IFNA14: variants seen among roughly 807,000 people sequenced by gnomAD.
The protein encoded by IFNA14 is interferon alpha 14.
For missense variants in IFNA14, 337 were observed against 214.9 expected (o/e 1.57, Z -3.55); for synonymous variants, 113 against 76.8 (o/e 1.47, Z -2.46).
In IFNA14 at chr9:21,239,807, T is replaced by C. The variant is rs767546374; in HGVS notation, c.129A>G (p.Gln43=). Residue 43 remains glutamine, a synonymous_variant, in exon 1 of 1, where the codon CAA becomes CAG. Transcript: ENST00000380222. ...NNRRTLMLMA[Q]MRRISPFSCL... is the part of the protein sequence containing the mutation. ...AGGAGAAAGGAGAGATTCTCCTCAT[T>C]TGTGCCATGAGCATCAAAGTCCTCC... The C allele has an allele frequency of 1.9e-6, 3 of 1,614,106 alleles. No individual in the cohort carries two copies. The highest frequency in any genetic ancestry group is 2.5e-6 in the Non-Finnish European group (3 of 1,179,996).
chr9:21,239,185 T>C lies in IFNA14; in HGVS notation c.*181A>G, dbSNP rs1563825000. 1.3e-6 allele frequency: 1 copy of C among 765,938 alleles called. No homozygotes were observed. The highest frequency in any genetic ancestry group is 1.8e-5 in the African/African-American group (1 of 55,082). 47.4% of individuals were successfully genotyped at this position (765,938 alleles called of 1,614,324 possible). On this transcript the variant is annotated 3_prime_UTR_variant, in exon 1 of 1. Coordinates refer to ENST00000380222, the MANE Select transcript of IFNA14 (RefSeq NM_002172.3). The stretch of plus-strand genomic sequence containing the variant: ...GAAAGGAGACATCAGCATGGTCATC[T>C]GTAAAGGACTAGTGCCTGCACAGGT...
chr9:21,239,734 C>T lies in IFNA14; in HGVS notation c.202G>A (p.Gly68Ser), dbSNP rs1472731406. 2 of 1,614,098 alleles carry T rather than the reference C, an allele frequency of 1.2e-6. No homozygotes were observed. Among genetic ancestry groups the T allele is most frequent in the Admixed American group, 1.7e-5 (1 of 60,012 alleles). The change falls in exon 1 of 1, where the codon GGC becomes AGC. Residue 68 changes from glycine (G) to serine (S), a missense_variant. Coordinates refer to ENST00000380222, the MANE Select transcript of IFNA14 (RefSeq NM_002172.3). ...DFEFPQEEFD[G>S]NQFQKAQAIS... Reference sequence around the variant, plus strand: ...GCTTGAGCTTTCTGGAACTGGTTGCCATCAAATTCCTCCTGGGGAAATTCA... The same window carrying T: ...GCTTGAGCTTTCTGGAACTGGTTGCTATCAAATTCCTCCTGGGGAAATTCA...
In IFNA14 at chr9:21,239,641, C is replaced by G. The variant is rs374982269; in HGVS notation, c.295G>C (p.Ala99Pro). Residue 99 changes from alanine to proline, a missense_variant, in exon 1 of 1, where the codon GCT (alanine) becomes CCT (proline). By Grantham distance (27) the Ala-to-Pro change is conservative. Transcript: ENST00000380222. ...TTTTCTAGGAGGGTCTCATCCCAAG[C>G]AGCAGATGAGTTCTTTGTGCTGAAG... is the stretch of plus-strand genomic sequence containing the variant. ...NLFSTKNSSA[A>P]WDETLLEKFY... 1.5e-5 allele frequency: 24 copies of G among 1,613,840 alleles called. No homozygotes were observed. The highest frequency in any genetic ancestry group is 1.1e-4 in the East Asian group (5 of 44,884).
Position 21,239,635 on chromosome 9 carries a change from C to A in IFNA14, c.301G>T (p.Asp101Tyr), listed in dbSNP as rs1247012114. 3.1e-6 allele frequency: 5 copies of A among 1,613,942 alleles called. No individual in the cohort carries two copies. The highest frequency in any genetic ancestry group is 4.2e-6 in the Non-Finnish European group (5 of 1,179,922). Residue 101 changes from aspartate to tyrosine, a missense_variant, in exon 1 of 1, where the codon GAT (aspartate) becomes TAT (tyrosine). Physicochemically the swap from Asp to Tyr is radical, Grantham distance 160. Coordinates refer to ENST00000380222, the MANE Select transcript of IFNA14 (RefSeq NM_002172.3). ...FSTKNSSAAW[D>Y]ETLLEKFYIE... The stretch of plus-strand genomic sequence containing the variant: ...TAGAATTTTTCTAGGAGGGTCTCAT[C>A]CCAAGCAGCAGATGAGTTCTTTGTG...
rs1396715888 is a variant in IFNA14, at chr9:21,239,234, C to G, written c.*132G>C. The G allele has an allele frequency of 1.3e-6, 2 of 1,502,030 alleles. No individual in the cohort carries two copies. Among genetic ancestry groups the G allele is most frequent in the Non-Finnish European group, 1.8e-6 (2 of 1,114,728 alleles). The allele number at this position is 1,502,030 out of a possible 1,614,324, so 93.0% of individuals were successfully genotyped here. On this transcript the variant is annotated 3_prime_UTR_variant, in exon 1 of 1. Coordinates refer to ENST00000380222, the MANE Select transcript of IFNA14 (RefSeq NM_002172.3). ...GTATACATGATGCTTCTTTACACTC[C>G]TGAAAACATTTGAAAATTTTGATTC...
In IFNA14 at chr9:21,239,248, A is replaced by C; in HGVS notation, c.*118T>G. On this transcript the variant is annotated 3_prime_UTR_variant, in exon 1 of 1. Coordinates refer to ENST00000380222, the MANE Select transcript of IFNA14 (RefSeq NM_002172.3). The stretch of plus-strand genomic sequence containing the variant: ...TCTTTACACTCCTGAAAACATTTGA[A>C]AATTTTGATTCAACTTGTGGTGGTT... 1 of 1,547,554 alleles carries C rather than the reference A, an allele frequency of 6.5e-7. No homozygotes were observed. Among genetic ancestry groups the C allele is most frequent in the Non-Finnish European group, 8.7e-7 (1 of 1,149,318 alleles).
chr9:21,239,825 A>G lies in IFNA14; in HGVS notation c.111T>C (p.Thr37=), dbSNP rs562508181. 1.9e-6 allele frequency: 3 copies of G among 1,614,128 alleles called. No individual in the cohort carries two copies. The South Asian group carries it at 3.3e-5, about 18-fold the overall frequency. ...SQTHSLNNRR[T]LMLMAQMRRI... ...TCCTCATTTGTGCCATGAGCATCAA[A>G]GTCCTCCTGTTATTCAGGCTGTGGG... The change falls in exon 1 of 1, where the codon ACT becomes ACC. Residue 37 remains threonine, a synonymous_variant. Coordinates refer to ENST00000380222, the MANE Select transcript of IFNA14 (RefSeq NM_002172.3).
rs200267752 is a variant in IFNA14, at chr9:21,239,864, A to G, written c.72T>C (p.Cys24=). Residue 24 remains cysteine (C), a synonymous_variant, in exon 1 of 1, where the codon TGT becomes TGC. Coordinates refer to ENST00000380222, the MANE Select transcript of IFNA14 (RefSeq NM_002172.3). ...TCAGGCTGTGGGTTTGAGACAGATT[A>G]CAGCCCAGAGAGCAGCTTGACTTGC... The part of the protein sequence containing the change: ...LSCKSSCSLG[C]NLSQTHSLNN... 12 of 1,614,122 alleles carry G rather than the reference A, an allele frequency of 7.4e-6. No homozygotes were observed. The East Asian group carries it at 2.0e-4, about 27-fold the overall frequency.
rs778905116 is a variant in IFNA14, at chr9:21,239,547, T to C, written c.389A>G (p.Glu130Gly). 10 of 1,613,958 alleles carry C rather than the reference T, an allele frequency of 6.2e-6. No individual in the cohort carries two copies. Among genetic ancestry groups the C allele is most frequent in the Non-Finnish European group, 8.5e-6 (10 of 1,180,006 alleles). The change falls in exon 1 of 1, where the codon GAA becomes GGA. Residue 130 changes from glutamate (E) to glycine (G), a missense_variant. Coordinates refer to ENST00000380222, the MANE Select transcript of IFNA14 (RefSeq NM_002172.3). Reference protein sequence around the residue: ...EACVIQEVGVEETPLMNEDSI... With the variant: ...EACVIQEVGVGETPLMNEDSI... ...GTCCTCATTCATCAGGGGAGTCTCTTCCACCCCAACCTCCTGTATCACACA... is the reference window on the plus strand; with the variant it reads ...GTCCTCATTCATCAGGGGAGTCTCTCCCACCCCAACCTCCTGTATCACACA...
In IFNA14 at chr9:21,239,429, T is replaced by C; in HGVS notation, c.507A>G (p.Ala169=). The change falls in exon 1 of 1, where the codon GCA becomes GCG. Residue 169 remains alanine (A), a synonymous_variant. Transcript: ENST00000380222. ...YSPCAWEVVR[A]EIMRSLSFST... ...AAAAAGAGAGGGATCTCATGATTTC[T>C]GCTCTGACAACCTCCCAGGCACAAG... The C allele has an allele frequency of 1.2e-6, 2 of 1,614,194 alleles. No individual in the cohort carries two copies. Among genetic ancestry groups the C allele is most frequent in the Non-Finnish European group, 8.5e-7 (1 of 1,180,026 alleles).
chr9:21,239,684 C>T lies in IFNA14; in HGVS notation c.252G>A (p.Met84Ile). The T allele has an allele frequency of 6.2e-7, 1 of 1,614,046 alleles. No homozygotes were observed. Among genetic ancestry groups the T allele is most frequent in the East Asian group, 2.2e-5 (1 of 44,878 alleles). ...TGCTGAAGAGATTGAAGGTCTGCTG[C>T]ATCATCTCATGGAGGACAGAGATGG... ...AQAISVLHEM[M>I]QQTFNLFSTK... is the part of the protein sequence containing the mutation. The change falls in exon 1 of 1, where the codon ATG becomes ATA. Residue 84 changes from methionine (M) to isoleucine (I), a missense_variant. Physicochemically the swap from Met to Ile is conservative, Grantham distance 10. Coordinates refer to ENST00000380222, the MANE Select transcript of IFNA14 (RefSeq NM_002172.3).
In IFNA14 at chr9:21,239,602, G is replaced by T. The variant is rs770560440; in HGVS notation, c.334C>A (p.Leu112Ile). ...ETLLEKFYIELFQQMNDLEAC... is the reference protein window; with the variant it reads ...ETLLEKFYIEIFQQMNDLEAC... ...TCCAGGTCATTCATTTGCTGGAAAA[G>T]TTCAATGTAGAATTTTTCTAGGAGG... The change falls in exon 1 of 1, where the codon CTT becomes ATT. Residue 112 changes from leucine (L) to isoleucine (I), a missense_variant. Physicochemically the swap from Leu to Ile is conservative, Grantham distance 5. Transcript: ENST00000380222. The T allele has an allele frequency of 2.1e-5, 34 of 1,613,896 alleles. No individual in the cohort carries two copies. Among genetic ancestry groups the T allele is most frequent in the Non-Finnish European group, 2.8e-5 (33 of 1,179,962 alleles).
chr9:21,239,753 A>C lies in IFNA14; in HGVS notation c.183T>G (p.Phe61Leu), dbSNP rs941442410. The C allele has an allele frequency of 1.2e-6, 2 of 1,613,968 alleles. No homozygotes were observed. The highest frequency in any genetic ancestry group is 2.7e-5 in the African/African-American group (2 of 74,906). The change falls in exon 1 of 1, where the codon TTT becomes TTG. Residue 61 changes from phenylalanine (F) to leucine (L), a missense_variant. Transcript: ENST00000380222. ...SCLKDRHDFE[F>L]PQEEFDGNQF... ...GGTTGCCATCAAATTCCTCCTGGGG[A>C]AATTCAAAGTCATGTCTGTCCTTCA...
rs28383771 is a variant in IFNA14 at position 21,239,448 on chromosome 9, G to A, written c.488C>T (p.Ala163Val). Residue 163 changes from alanine to valine, a missense_variant, in exon 1 of 1, where the codon GCC becomes GTC. Coordinates refer to ENST00000380222, the MANE Select transcript of IFNA14 (RefSeq NM_002172.3). ...GATTTCTGCTCTGACAACCTCCCAG[G>A]CACAAGGGCTGTATTTCTTCTCCAT... The part of the protein sequence containing the change: ...YLMEKKYSPC[A>V]WEVVRAEIMR... 0.013 allele frequency: 20,378 copies of A among 1,614,044 alleles called. 57 individuals are homozygous for A. Among genetic ancestry groups the A allele is most frequent in the Non-Finnish European group, 0.015 (18,128 of 1,179,994 alleles).
rs768514575 is a variant in IFNA14, at chr9:21,239,543, C to G, written c.393G>C (p.Glu131Asp). The change falls in exon 1 of 1, where the codon GAG becomes GAC. Residue 131 changes from glutamate (E) to aspartate (D), a missense_variant. Transcript: ENST00000380222. ...ACVIQEVGVE[E>D]TPLMNEDSIL... ...TGGAGTCCTCATTCATCAGGGGAGT[C>G]TCTTCCACCCCAACCTCCTGTATCA... 1 of 1,614,078 alleles carries G rather than the reference C, an allele frequency of 6.2e-7. No individual in the cohort carries two copies. Among genetic ancestry groups the G allele is most frequent in the Non-Finnish European group, 8.5e-7 (1 of 1,180,006 alleles).
Position 21,239,904 on chromosome 9 carries a change from A to C in IFNA14, c.32T>G (p.Leu11Arg). 6.2e-7 allele frequency: 1 copy of C among 1,614,122 alleles called. No homozygotes were observed. Among genetic ancestry groups the C allele is most frequent in the Non-Finnish European group, 8.5e-7 (1 of 1,179,996 alleles). MALPFALMMA[L>R]VVLSCKSSCS... ...GCTTGACTTGCAGCTGAGCACCACCAGGGCCATCATTAAAGCAAAGGGCAA... is the reference window on the plus strand; with the variant it reads ...GCTTGACTTGCAGCTGAGCACCACCCGGGCCATCATTAAAGCAAAGGGCAA... Residue 11 changes from leucine to arginine, a missense_variant, in exon 1 of 1, where the codon CTG becomes CGG. Coordinates refer to ENST00000380222, the MANE Select transcript of IFNA14 (RefSeq NM_002172.3).
chr9:21,239,849 G>A lies in IFNA14; in HGVS notation c.87C>T (p.Thr29=), dbSNP rs768992121. 3 of 1,614,082 alleles carry A rather than the reference G, an allele frequency of 1.9e-6. No individual in the cohort carries two copies. In the Admixed American group the frequency reaches 5.0e-5, roughly 27 times the overall value. The part of the protein sequence containing the change: ...SCSLGCNLSQ[T]HSLNNRRTLM... ...AAGTCCTCCTGTTATTCAGGCTGTGGGTTTGAGACAGATTACAGCCCAGAG... is the reference window on the plus strand; with the variant it reads ...AAGTCCTCCTGTTATTCAGGCTGTGAGTTTGAGACAGATTACAGCCCAGAG... The change falls in exon 1 of 1, where the codon ACC becomes ACT. Residue 29 remains threonine (T), a synonymous_variant. Transcript: ENST00000380222.
Position 21,239,268 on chromosome 9 carries a change from G to T in IFNA14, c.*98C>A. 1.9e-6 allele frequency: 3 copies of T among 1,572,724 alleles called. No homozygotes were observed. The highest frequency in any genetic ancestry group is 2.6e-6 in the Non-Finnish European group (3 of 1,165,184). ...TTTGAAAATTTTGATTCAACTTGTGGTGGTTATAGGAGAAGTGAGTCTTTG... is the reference window on the plus strand; with the variant it reads ...TTTGAAAATTTTGATTCAACTTGTGTTGGTTATAGGAGAAGTGAGTCTTTG... On this transcript the variant is annotated 3_prime_UTR_variant, in exon 1 of 1. Transcript: ENST00000380222.
In IFNA14 at chr9:21,239,375, C is replaced by T. The variant is rs752295708; in HGVS notation, c.561G>A (p.Arg187=). Residue 187 remains arginine, a synonymous_variant, in exon 1 of 1, where the codon AGG becomes AGA. Transcript: ENST00000380222. ...CATGATGAACCAGTTTTCAATCCTT[C>T]CTCCTTAATCTTTTTTGCAAGTTTG... ...FSTNLQKRLR[R]KD The T allele has an allele frequency of 6.2e-7, 1 of 1,613,988 alleles. No individual in the cohort carries two copies. The highest frequency in any genetic ancestry group is 1.1e-5 in the South Asian group (1 of 91,062).
Sources: allele counts gnomAD v4.1 joint callset, GRCh38; gene constraint gnomAD v4.1.1; transcripts MANE v1.5; gene names NCBI Gene and HGNC (gene_info 2026-07-23, HGNC 2026-07-21).